RHPN2: variants seen among roughly 807,000 people sequenced by gnomAD.
RHPN2 encodes rhophilin-2.
Under a neutral mutation model 79.0 loss-of-function variants are expected in RHPN2, and 40 were observed. The ratio of observed to expected loss-of-function variants is 0.51; its 90% CI spans 0.39 to 0.66. The LOEUF is 0.66. Among genes scored for constraint, RHPN2 ranks in the 30% least tolerant of loss-of-function variants. The pLI, the probability that RHPN2 is intolerant of heterozygous loss-of-function variation, is 0.00. For missense variants in RHPN2, 686 were observed against 883.5 expected, an observed-to-expected ratio of 0.78 and a Z score of 2.83; for synonymous variants, 285 against 363.5, an observed-to-expected ratio of 0.78 and a Z score of 2.46.
intron 1 of RHPN2, among the ~76,000 whole-genome samples, chr19:33,045,924 T>C (rs1373021977): frequency 6.6e-6 from 1 of 152,270 alleles, no homozygotes. Flanking sequence ...TTCAAGATTA[T>C]TTCATATAAA....
intron 11 of RHPN2, among the ~76,000 whole-genome samples, chr19:32,995,243 T>G (rs1971691737): frequency 6.6e-6 from 1 of 151,960 alleles, no homozygotes; most frequent in Admixed American, 6.6e-5. Context: ...TGATGAATTT[T>G]TTTTTTAATT....
At chr19:33,059,651 C>T (rs1972263469) in intron 1 of RHPN2, among the ~76,000 whole-genome samples, 1 of 152,016 alleles carries the variant, frequency 6.6e-6, no homozygotes, top group Admixed American at 6.6e-5. Context: ...ACAAAGCTGC[C>T]TTCTCTCTTC....
At chr19:32,997,062 A>G (rs1971708043) in intron 10 of RHPN2, among the ~76,000 whole-genome samples, 1 of 152,038 alleles carries the variant, frequency 6.6e-6, no homozygotes, top group Non-Finnish European at 1.5e-5. Flanking sequence ...CACTTGGATA[A>G]TGTTTTCACT....
chr19:33,040,109 T>C (rs1056222290), intron 2 of RHPN2, among the ~76,000 whole-genome samples: 1 of 151,986 alleles, frequency 6.6e-6, no homozygotes, highest in African/African-American at 2.4e-5. Context: ...TCACTTCTGA[T>C]CTAGCCCAAC....
chr19:33,020,221 A>G (rs1454145389), intron 4 of RHPN2, among the ~76,000 whole-genome samples: 1 of 152,176 alleles, frequency 6.6e-6, no homozygotes, highest in Non-Finnish European at 1.5e-5. Flanking sequence ...CACACAAGCA[A>G]AGACTCTGGT....
intron 5 of RHPN2, 84 bp downstream of exon 5, chr19:33,012,563 T>C: frequency 2.3e-6 from 2 of 875,296 alleles, no homozygotes; most frequent in Non-Finnish European, 2.0e-6. Flanking sequence ...CGCGATTCTG[T>C]TAAGACCACA....
intron 2 of RHPN2, among the ~76,000 whole-genome samples, chr19:33,036,738 C>T (rs1033998794): frequency 9.8e-5 from 15 of 152,300 alleles, no homozygotes; most frequent in Admixed American, 9.1e-4. Context: ...TAGGAGCCGA[C>T]GTCCGGCCCG....
intron 14 of RHPN2, 64 bp downstream of exon 14, chr19:32,990,450 G>C: frequency 6.4e-7 from 1 of 1,562,066 alleles, no homozygotes; most frequent in Non-Finnish European, 8.8e-7. Flanking sequence ...CACCTCTGGG[G>C]CTGAACTCAT....
intron 1 of RHPN2, among the ~76,000 whole-genome samples, chr19:33,050,608 A>G (rs10426551): frequency 0.38 from 57,580 of 151,962 alleles, 14,136 homozygotes; most frequent in African/African-American, 0.66. Context: ...GTAGACTTTT[A>G]TGTCTGGTTT....
intron 2 of RHPN2, among the ~76,000 whole-genome samples, chr19:33,035,407 A>AT (rs1377202772): frequency 1.3e-5 from 2 of 152,098 alleles, no homozygotes; most frequent in Admixed American, 6.5e-5. Flanking sequence ...TGGCCTAAAA[A>AT]TTTTTTTTAA....
chr19:33,041,873 T>C (rs1042469438), intron 2 of RHPN2, among the ~76,000 whole-genome samples: 2 of 152,152 alleles, frequency 1.3e-5, no homozygotes, highest in African/African-American at 4.8e-5. Flanking sequence ...GCACCTCAAC[T>C]GTGCCTGCCA....
chr19:33,063,083 C>A (rs554210061), intron 1 of RHPN2, among the ~76,000 whole-genome samples: 6 of 152,096 alleles, frequency 3.9e-5, no homozygotes, highest in Non-Finnish European at 8.8e-5. Flanking sequence ...GGAGGCCACA[C>A]AGCAATTTTG....
At chr19:33,035,016 G>A (rs1440811407) in intron 2 of RHPN2, among the ~76,000 whole-genome samples, 1 of 152,018 alleles carries the variant, frequency 6.6e-6, no homozygotes, top group East Asian at 1.9e-4. Context: ...CACCCACGCT[G>A]GAGTGCAGTG....
At chr19:33,026,734 G>A (rs768254231) in intron 2 of RHPN2, 102 bp from the exon 3 acceptor site, 36 of 1,396,196 alleles carry the variant, frequency 2.6e-5, no homozygotes, top group Non-Finnish European at 3.4e-5. Flanking sequence ...TCAGGGCACA[G>A]CTTGCAGAGG....
chr19:32,988,891 T>G (rs1243640936), intron 14 of RHPN2, among the ~76,000 whole-genome samples: 1 of 152,230 alleles, frequency 6.6e-6, no homozygotes, highest in Non-Finnish European at 1.5e-5. Context: ...CTGACTTTAA[T>G]GCCAGCTTCG....
intron 12 of RHPN2, 102 bp downstream of exon 12, chr19:32,993,875 A>C (rs1971679843): frequency 1.1e-6 from 1 of 870,400 alleles, no homozygotes; most frequent in Admixed American, 1.7e-5. Context: ...CCCCAGTTTG[A>C]GGCATTTTGT....
intron 2 of RHPN2, among the ~76,000 whole-genome samples, chr19:33,033,832 A>G (rs762605644): frequency 3.8e-4 from 58 of 152,030 alleles, no homozygotes; most frequent in Non-Finnish European, 6.9e-4. Context: ...GCGCCATTGC[A>G]CTCCAGCCTG....
intron 1 of RHPN2, among the ~76,000 whole-genome samples, chr19:33,047,658 C>A (rs1466416145): frequency 6.6e-6 from 1 of 152,210 alleles, no homozygotes; most frequent in Non-Finnish European, 1.5e-5. Flanking sequence ...GCCCAAGCCA[C>A]ACCCATGGCC....
intron 1 of RHPN2, among the ~76,000 whole-genome samples, chr19:33,049,177 G>A (rs1196529462): frequency 1.3e-5 from 2 of 152,096 alleles, no homozygotes; most frequent in African/African-American, 4.8e-5. Flanking sequence ...ACACCCACGG[G>A]GCTGTGTGTG....
Sources: allele counts gnomAD v4.1 joint callset (sites outside exome capture counted in the v4.1 genomes callset), GRCh38; gene constraint gnomAD v4.1.1; transcripts MANE v1.5; gene names NCBI Gene and HGNC (gene_info 2026-07-23, HGNC 2026-07-21).